Variants in MCMBP observed in about 807,000 individuals in gnomAD.
MCMBP encodes mini-chromosome maintenance complex-binding protein.
Under a neutral mutation model 81.3 loss-of-function variants are expected in MCMBP, and 31 were observed. The ratio of observed to expected loss-of-function variants is 0.38; its 90% CI spans 0.29 to 0.51. The LOEUF (loss-of-function observed/expected upper bound fraction) is 0.51, where lower values mean the gene tolerates loss of function less well. MCMBP is among the 20% of genes least tolerant of loss of function. The pLI, the probability that MCMBP is intolerant of heterozygous loss-of-function variation, is 0.87. For synonymous variants in MCMBP, 267 were observed against 275.9 expected (o/e 0.97, Z 0.32); for missense variants, 645 against 772.1 (o/e 0.84, Z 1.95).
chr10:119,831,690 C>A, intron 15 of MCMBP, 90 bp from the exon 16 acceptor site: 3 of 1,448,450 alleles, frequency 2.1e-6, no homozygotes, highest in Non-Finnish European at 2.8e-6. Context: ...TTTGTGAAAA[C>A]ACAGAGCACG....
rs1414994120 is a variant in MCMBP, at chr10:119,830,962, C to A, written c.*512G>T. On this transcript the variant is annotated 3_prime_UTR_variant, in exon 16 of 16. Coordinates refer to ENST00000369077, the MANE Select transcript of MCMBP (RefSeq NM_001256378.2). ...GCCAAACATCTGGGAAATGACAGTACAGAATTTCATGTAGTCATGTGAATC... is the reference window on the plus strand; with the variant it reads ...GCCAAACATCTGGGAAATGACAGTAAAGAATTTCATGTAGTCATGTGAATC... The A allele has an allele frequency of 6.6e-6, 1 of 152,298 alleles. No individual in the cohort carries two copies. Among genetic ancestry groups the A allele is most frequent in the Non-Finnish European group, 1.5e-5 (1 of 68,092 alleles). 9.4% of individuals were successfully genotyped at this position (152,298 alleles called of 1,614,324 possible). A position where few individuals can be genotyped will look rare whatever the true frequency, so the allele number is the denominator to read the frequency against.
intron 12 of MCMBP, among the ~76,000 whole-genome samples, chr10:119,838,261 GAC>G (rs1852317149): frequency 6.8e-6 from 1 of 147,400 alleles, no homozygotes; most frequent in Non-Finnish European, 1.5e-5. Context: ...TATTAAATGA[GAC>G]ATTATATATT....
At chr10:119,868,528 A>C (rs1853553287) in intron 1 of MCMBP, among the ~76,000 whole-genome samples, 1 of 152,232 alleles carries the variant, frequency 6.6e-6, no homozygotes, top group African/African-American at 2.4e-5. Flanking sequence ...TTGTTCAACA[A>C]GTGTCCACTG....
chr10:119,868,124 A>T (rs1853538435), intron 1 of MCMBP, among the ~76,000 whole-genome samples: 1 of 152,172 alleles, frequency 6.6e-6, no homozygotes. Context: ...CCAATAGTTG[A>T]AGGGAAAACA....
At chr10:119,873,120 G>A (rs780794110), upstream of MCMBP, among the ~76,000 whole-genome samples, 4 of 152,122 alleles carry the variant, frequency 2.6e-5, no homozygotes, top group Non-Finnish European at 5.9e-5. Flanking sequence ...GCTTATAAGA[G>A]GGCAAAGCGA....
intron 8 of MCMBP, among the ~76,000 whole-genome samples, chr10:119,844,205 C>A (rs1326175796): frequency 6.6e-6 from 1 of 152,148 alleles, no homozygotes; most frequent in East Asian, 1.9e-4. Context: ...CTTACATGAT[C>A]CCTCGAAGAC....
At chr10:119,835,429 C>A in intron 14 of MCMBP, 111 bp downstream of exon 14, 1 of 977,558 alleles carries the variant, frequency 1.0e-6, no homozygotes, top group East Asian at 2.5e-5. Context: ...TAAAAAAAGA[C>A]ATGACAGAAA....
intron 1 of MCMBP, among the ~76,000 whole-genome samples, chr10:119,860,258 T>C (rs1853205658): frequency 6.6e-6 from 1 of 152,204 alleles, no homozygotes; most frequent in East Asian, 1.9e-4. Flanking sequence ...CATTTTTATG[T>C]AGTTTTTTTA....
chr10:119,831,446 C>G lies in MCMBP; in HGVS notation c.*28G>C. ...TTTACAATTATGTGGCTACAGTTTG[C>G]CCATTACTCTTCATAGGTATTACAT... is the stretch of plus-strand genomic sequence containing the variant. On this transcript the variant is annotated 3_prime_UTR_variant, in exon 16 of 16. Transcript: ENST00000369077. 6.2e-7 allele frequency: 1 copy of G among 1,611,852 alleles called. No individual in the cohort carries two copies. Among genetic ancestry groups the G allele is most frequent in the Non-Finnish European group, 8.5e-7 (1 of 1,178,764 alleles).
chr10:119,858,965 T>A, intron 3 of MCMBP, 40 bp from the exon 4 acceptor site: 1 of 1,609,000 alleles, frequency 6.2e-7, no homozygotes, highest in African/African-American at 1.3e-5. Flanking sequence ...TATATCAATA[T>A]ATCTGAACCA....
At chr10:119,863,817 A>G (rs1853351843) in intron 1 of MCMBP, among the ~76,000 whole-genome samples, 1 of 151,304 alleles carries the variant, frequency 6.6e-6, no homozygotes. Flanking sequence ...AAGTGAGATA[A>G]GCCAGACGTA....
At chr10:119,835,043 C>G (rs192458959) in intron 14 of MCMBP, among the ~76,000 whole-genome samples, 98 of 152,236 alleles carry the variant, frequency 6.4e-4, no homozygotes, top group Non-Finnish European at 8.4e-4. Context: ...GTACAGAAGT[C>G]TTTTCCATTT....
rs373005678 is a variant in MCMBP, at chr10:119,859,304, ACC to A, written c.145-125_145-124del. ...CACACACACACACACACACACACAC[ACC>A]CATGCCACATCAGAGAGCCAAATGA... On this transcript the variant is annotated intron_variant, in intron 2 of 15. Transcript: ENST00000369077. 35 of 647,280 alleles carry A rather than the reference ACC, an allele frequency of 5.4e-5. No homozygotes were observed. In the Admixed American group the frequency reaches 1.1e-3, roughly 20 times the overall value. 40.1% of individuals were successfully genotyped at this position (647,280 alleles called of 1,614,324 possible).
At position 119,852,191 on chromosome 10, in the gene MCMBP, C is replaced by A. The variant is rs1430493680; in HGVS notation, c.574+859G>T. On this transcript the variant is annotated intron_variant, in intron 6 of 15. Transcript: ENST00000369077. Reference sequence around the variant, plus strand: ...AAAAAAAAAAAAAAAGCCTTCTCTACCCAATCTTGCAGATAGTAAATGACC... The same window carrying A: ...AAAAAAAAAAAAAAAGCCTTCTCTAACCAATCTTGCAGATAGTAAATGACC... 4.1e-5 allele frequency among the ~76,000 whole-genome samples: 6 copies of A among 146,568 alleles called. No homozygotes were observed. The South Asian group carries it at 1.3e-3, about 32-fold the overall frequency.
chr10:119,841,856 C>T (rs937372339), intron 10 of MCMBP, among the ~76,000 whole-genome samples: 1 of 152,154 alleles, frequency 6.6e-6, no homozygotes, highest in South Asian at 2.1e-4. Context: ...ATAAACAGAG[C>T]GTTCAGAATG....
Position 119,857,347 on chromosome 10 carries a change from C to T in MCMBP, c.420G>A (p.Trp140Ter). 6.2e-7 allele frequency: 1 copy of T among 1,605,232 alleles called. No individual in the cohort carries two copies. Among genetic ancestry groups the T allele is most frequent in the Non-Finnish European group, 8.5e-7 (1 of 1,173,682 alleles). Residue 140 changes from tryptophan (W) to a stop codon, truncating the protein, a stop_gained, in exon 5 of 16, where the codon TGG becomes TGA. Transcript: ENST00000369077. LOFTEE classifies it high-confidence loss of function. The stretch of plus-strand genomic sequence containing the variant: ...TTCAGATAAAGGATATTTCTTTTAC[C>T]CACGTAGATTCCCCAGGCACCGGAA... ...YCVPVPGEST[W>*]VKEAYVNANQ...
chr10:119,867,776 A>C (rs2134410215), intron 1 of MCMBP, among the ~76,000 whole-genome samples: 1 of 152,282 alleles, frequency 6.6e-6, no homozygotes, highest in African/African-American at 2.4e-5. Flanking sequence ...GTCTCTTCGA[A>C]TACCCAACCA....
chr10:119,838,924 CAA>C (rs547889502), intron 11 of MCMBP, among the ~76,000 whole-genome samples: 13 of 152,176 alleles, frequency 8.5e-5, no homozygotes, highest in Middle Eastern at 3.4e-3. Context: ...ATGTCTTGTT[CAA>C]TATTCTTGAA....
chr10:119,838,086 A>G (rs923427659), intron 12 of MCMBP, among the ~76,000 whole-genome samples: 2 of 151,918 alleles, frequency 1.3e-5, no homozygotes, highest in African/African-American at 4.8e-5. Context: ...AGGCCCATAA[A>G]GACTGCTCCA....
Sources: allele counts gnomAD v4.1 joint callset (sites outside exome capture counted in the v4.1 genomes callset), GRCh38; gene constraint gnomAD v4.1.1; transcripts MANE v1.5; gene names NCBI Gene and HGNC (gene_info 2026-07-23, HGNC 2026-07-21).